The following RFX7 variants were observed in gnomAD, a reference collection of about 807,000 sequenced individuals.
RFX7 encodes the protein regulatory factor X7, also known as DNA-binding protein RFX7.
RFX7 carries 26 observed loss-of-function variants against 111.8 expected under a neutral mutation model. The observed-to-expected ratio is 0.23, with a 90% confidence interval of 0.17 to 0.32. RFX7 has a LOEUF of 0.32. Among genes scored for constraint, RFX7 ranks in the 10% least tolerant of loss-of-function variants. RFX7 has a pLI of 1.00. For synonymous variants in RFX7, 624 were observed against 624.4 expected, an observed-to-expected ratio of 1.00 and a Z score of 0.01; for missense variants, 1,573 against 1,772.9, an observed-to-expected ratio of 0.89 and a Z score of 2.02.
At chr15:56,118,756 T>C (rs2042039816) in intron 5 of RFX7, among the ~76,000 whole-genome samples, 1 of 152,244 alleles carries the variant, frequency 6.6e-6, no homozygotes, top group Non-Finnish European at 1.5e-5. Context: ...TTTTAGTTTA[T>C]TGAAGAACTT....
intron 5 of RFX7, among the ~76,000 whole-genome samples, chr15:56,108,777 T>C (rs1028766489): frequency 2.6e-5 from 4 of 152,200 alleles, no homozygotes; most frequent in Non-Finnish European, 5.9e-5. Context: ...GTAGACAACA[T>C]GATCCTATAT....
At position 56,095,878 on chromosome 15, in the gene RFX7, T is replaced by C. The variant is rs1293156769; in HGVS notation, c.1850A>G (p.Asn617Ser). 8.7e-6 allele frequency: 14 copies of C among 1,605,822 alleles called. No individual in the cohort carries two copies. The highest frequency in any genetic ancestry group is 4.5e-5 in the East Asian group (2 of 44,876). Residue 617 changes from asparagine to serine, a missense_variant, in exon 10 of 10, where the codon AAT becomes AGT. Around this residue, in one of 7 missense-constraint regions of RFX7, gnomAD observed 625 missense variants for 632.2 expected, o/e 0.99. Transcript: ENST00000559447. ...TGATAGAGTGATAGTGCTTTGATTATTGCCTGTTGACGTGCCTGGCAGCAT... is the reference window on the plus strand; with the variant it reads ...TGATAGAGTGATAGTGCTTTGATTACTGCCTGTTGACGTGCCTGGCAGCAT... Reference protein sequence around the residue: ...NEMLPGTSTGNNQSTITLSVA... With the variant: ...NEMLPGTSTGSNQSTITLSVA...
Position 56,098,206 on chromosome 15 carries a change from A to G in RFX7, c.982T>C (p.Ser328Pro), listed in dbSNP as rs773107981. ...QKLQSPLPGE[S>P]AAKKSESATS... Reference sequence around the variant, plus strand: ...GCACTTTCTGACTTTTTTGCTGCAGATTCTCCTGGCAAAGGGGATTGTAGT... The same window carrying G: ...GCACTTTCTGACTTTTTTGCTGCAGGTTCTCCTGGCAAAGGGGATTGTAGT... Residue 328 changes from serine to proline, a missense_variant, in exon 9 of 10, where the codon TCT becomes CCT. By Grantham distance (74) the Ser-to-Pro change is moderately conservative. Transcript: ENST00000559447. The G allele has an allele frequency of 5.5e-5, 88 of 1,613,806 alleles. No individual in the cohort carries two copies. The highest frequency in any genetic ancestry group is 7.1e-5 in the Non-Finnish European group (84 of 1,179,852).
At chr15:56,101,691 T>A (rs531345738) in intron 7 of RFX7, 125 bp from the exon 8 acceptor site, 2 of 870,126 alleles carry the variant, frequency 2.3e-6, no homozygotes, top group African/African-American at 3.4e-5. Flanking sequence ...GTAGTATGAA[T>A]TGACCCACTG....
chr15:56,096,151 C>T lies in RFX7; in HGVS notation c.1577G>A (p.Ser526Asn). 6.2e-7 allele frequency: 1 copy of T among 1,613,906 alleles called. No homozygotes were observed. The highest frequency in any genetic ancestry group is 8.5e-7 in the Non-Finnish European group (1 of 1,179,870). ...AGCAGATGTTCCCCCCGCACTGCTG[C>T]TCCTGGACCCAGGAGACTGAAGCGA... ...VVSLQSPGSR[S>N]SSAGGTSAVE... is the part of the protein sequence containing the mutation. Residue 526 changes from serine (S) to asparagine (N), a missense_variant, in exon 10 of 10, where the codon AGC becomes AAC. By Grantham distance (46) the Ser-to-Asn change is conservative (BLOSUM62 1). Coordinates refer to ENST00000559447, the MANE Select transcript of RFX7 (RefSeq NM_022841.7).
At chr15:56,176,702 G>C (rs570005695) in intron 3 of RFX7, among the ~76,000 whole-genome samples, 96 of 151,950 alleles carry the variant, frequency 6.3e-4, no homozygotes, top group African/African-American at 2.2e-3. Flanking sequence ...AGACTGAAAG[G>C]AATCATCCTT....
chr15:56,226,902 C>T (rs1048238129), intron 2 of RFX7, among the ~76,000 whole-genome samples: 3 of 152,068 alleles, frequency 2.0e-5, no homozygotes, highest in Non-Finnish European at 1.5e-5. Context: ...TGGGAGTGGC[C>T]AACCATCAAA....
chr15:56,144,322 C>G (rs2141029454), intron 4 of RFX7, 79 bp downstream of exon 4: 1 of 651,584 alleles, frequency 1.5e-6, no homozygotes, highest in East Asian at 5.9e-5. Context: ...CTCTAACAAC[C>G]AAAACATACA....
intron 5 of RFX7, among the ~76,000 whole-genome samples, chr15:56,115,780 T>G (rs2042001727): frequency 6.6e-6 from 1 of 151,754 alleles, no homozygotes; most frequent in African/African-American, 2.4e-5. Context: ...CTACTAAAAA[T>G]ATAAAAAAAC....
intron 2 of RFX7, among the ~76,000 whole-genome samples, chr15:56,230,325 T>C (rs1226299921): frequency 6.6e-6 from 1 of 152,218 alleles, no homozygotes; most frequent in Non-Finnish European, 1.5e-5. Flanking sequence ...GAACACACAT[T>C]ATTAAATCTA....
In RFX7 at chr15:56,243,443, ACC is replaced by A; in HGVS notation, c.-3_-3+1del. 5.1e-6 allele frequency: 5 copies of A among 982,848 alleles called. No individual in the cohort carries two copies. The highest frequency in any genetic ancestry group is 6.0e-6 in the Non-Finnish European group (5 of 828,504). The allele number at this position is 982,848 out of a possible 1,614,324, so 60.9% of individuals were successfully genotyped here. A position where few individuals can be genotyped will look rare whatever the true frequency, so the allele number is the denominator to read the frequency against. On this transcript the variant is annotated splice_donor_variant and 5_prime_UTR_variant, in exon 1 of 10. Coordinates refer to ENST00000559447, the MANE Select transcript of RFX7 (RefSeq NM_022841.7). LOFTEE classifies it low-confidence loss of function (5UTR_SPLICE). ...AGGAAGCTGGATAAGCTAGGCCTTT[ACC>A]CCAGGGCTCGAGTGAGTCGCTTTCG...
intron 3 of RFX7, among the ~76,000 whole-genome samples, chr15:56,169,721 T>TAG (rs2042822059): frequency 6.7e-6 from 1 of 149,758 alleles, no homozygotes; most frequent in Non-Finnish European, 1.5e-5. Flanking sequence ...TTTTTTTTTT[T>TAG]TTTAGTTTCT....
At chr15:56,170,117 C>G (rs2042830249) in intron 3 of RFX7, among the ~76,000 whole-genome samples, 1 of 152,106 alleles carries the variant, frequency 6.6e-6, no homozygotes, top group Non-Finnish European at 1.5e-5. Flanking sequence ...TTCATACATT[C>G]AACAAATATT....
At chr15:56,198,314 C>G (rs545765714) in intron 2 of RFX7, among the ~76,000 whole-genome samples, 1 of 152,232 alleles carries the variant, frequency 6.6e-6, no homozygotes, top group East Asian at 1.9e-4. Flanking sequence ...CCTAGAATGA[C>G]TTTTGCCTCA....
At position 56,094,130 on chromosome 15, in the gene RFX7, C is replaced by A. The variant is rs778210565; in HGVS notation, c.3598G>T (p.Val1200Phe). 5 of 1,613,888 alleles carry A rather than the reference C, an allele frequency of 3.1e-6. No individual in the cohort carries two copies. Among genetic ancestry groups the A allele is most frequent in the Non-Finnish European group, 3.4e-6 (4 of 1,179,888 alleles). ...GTGAAAACATGAACTTCTGGGGTAA[C>A]TGGACTTCCAAAGGGGGTCACATTA... Reference protein sequence around the residue: ...RSNVTPFGSPVTPEVHVFTNV... With the variant: ...RSNVTPFGSPFTPEVHVFTNV... Residue 1200 changes from valine (V) to phenylalanine (F), a missense_variant, in exon 10 of 10, where the codon GTT (valine) becomes TTT (phenylalanine). Val to Phe is a conservative substitution (Grantham distance 50). Coordinates refer to ENST00000559447, the MANE Select transcript of RFX7 (RefSeq NM_022841.7).
chr15:56,235,276 A>G (rs1250060121), intron 2 of RFX7, among the ~76,000 whole-genome samples: 1 of 151,834 alleles, frequency 6.6e-6, no homozygotes, highest in African/African-American at 2.4e-5. Context: ...CCCAGGTTCA[A>G]GCGATTCTCC....
intron 3 of RFX7, among the ~76,000 whole-genome samples, chr15:56,176,491 T>C (rs1310010427): frequency 6.6e-6 from 1 of 152,156 alleles, no homozygotes; most frequent in African/African-American, 2.4e-5. Flanking sequence ...TAATGGCTGA[T>C]GTCCAAAATG....
At chr15:56,153,319 C>G (rs1375507051) in intron 3 of RFX7, among the ~76,000 whole-genome samples, 2 of 152,190 alleles carry the variant, frequency 1.3e-5, no homozygotes, top group African/African-American at 2.4e-5. Context: ...CAATAAAATA[C>G]AGGCAAACCG....
chr15:56,124,422 C>CG (rs143140026), intron 5 of RFX7, among the ~76,000 whole-genome samples: 18,749 of 142,174 alleles, frequency 0.13, 1,539 homozygotes, highest in East Asian at 0.43. Context: ...ACTCAGTCTC[C>CG]GAAAAAAAAA....
Sources: allele counts gnomAD v4.1 joint callset (sites outside exome capture counted in the v4.1 genomes callset), GRCh38; gene constraint gnomAD v4.1.1; regional missense constraint gnomAD v4.1.1; transcripts MANE v1.5; gene names NCBI Gene and HGNC (gene_info 2026-07-23, HGNC 2026-07-21).